DOCK6: variants seen among roughly 807,000 people sequenced by gnomAD.
DOCK6 encodes the protein dedicator of cytokinesis 6.
DOCK6 carries 167 observed loss-of-function variants against 230.3 expected under a neutral mutation model. The ratio of observed to expected loss-of-function variants is 0.73; its 90% CI spans 0.64 to 0.82. The LOEUF (loss-of-function observed/expected upper bound fraction) is 0.82, where lower values mean the gene tolerates loss of function less well. Ranked by LOEUF, DOCK6 falls within the 40% of genes least tolerant of loss-of-function variation. DOCK6 has a pLI of 0.00. For missense variants in DOCK6, 2,598 were observed against 2,825.8 expected, an observed-to-expected ratio of 0.92 and a Z score of 1.83; for synonymous variants, 1,148 against 1,185.0, an observed-to-expected ratio of 0.97 and a Z score of 0.64.
At chr19:11,242,259 C>A (rs964330154) in intron 13 of DOCK6, 52 bp from the exon 14 acceptor site, 2 of 1,392,816 alleles carry the variant, frequency 1.4e-6, no homozygotes, top group Non-Finnish European at 1.9e-6. Flanking sequence ...CTGGCTCAGC[C>A]CACCCTTTCT....
chr19:11,217,976 G>T (rs188188630), intron 28 of DOCK6, among the ~76,000 whole-genome samples: 4 of 150,518 alleles, frequency 2.7e-5, no homozygotes, highest in African/African-American at 4.9e-5. Context: ...CTCAGCTTCC[G>T]GAGTAGCTGT....
In DOCK6 at chr19:11,233,235, C is replaced by T. The variant is rs1321697922; in HGVS notation, c.2686G>A (p.Asp896Asn). The change falls in exon 22 of 48, where the codon GAT (aspartate) becomes AAT (asparagine). Residue 896 changes from aspartate (D) to asparagine (N), a missense_variant. Coordinates refer to ENST00000294618, the MANE Select transcript of DOCK6 (RefSeq NM_020812.4). Reference protein sequence around the residue: ...PDLAVAPGSVDDEVSRILASK... With the variant: ...PDLAVAPGSVNDEVSRILASK... ...GCCAGGATGCGGGAAACCTCGTCAT[C>T]CACAGAGCCAGGGGCCACGGCGAGG... The T allele has an allele frequency of 1.2e-6, 2 of 1,613,818 alleles. No individual in the cohort carries two copies. The highest frequency in any genetic ancestry group is 1.3e-5 in the African/African-American group (1 of 75,048).
At chr19:11,260,913 GA>G (rs2080276889) in intron 1 of DOCK6, among the ~76,000 whole-genome samples, 1 of 117,950 alleles carries the variant, frequency 8.5e-6, no homozygotes, top group Non-Finnish European at 1.8e-5. Context: ...AGAAAGAAAA[GA>G]AAAAGAAAAG....
In DOCK6 at chr19:11,242,200, G is replaced by A. The variant is rs1322744432; in HGVS notation, c.1488C>T (p.Leu496=). Residue 496 remains leucine, a synonymous_variant, in exon 14 of 48, where the codon CTC becomes CTT. Transcript: ENST00000294618. ...CAGGAGCCGGAGAAATGTCGATCTT[G>A]AGCTGGGCTGGGAAGGGAAGAACCG... is the stretch of plus-strand genomic sequence containing the variant. ...LRRLRPVTAQ[L]KIDISPAPEN... 2 of 1,460,792 alleles carry A rather than the reference G, an allele frequency of 1.4e-6. No homozygotes were observed. Among genetic ancestry groups the A allele is most frequent in the East Asian group, 2.5e-5 (1 of 40,292 alleles). 90.5% of individuals were successfully genotyped at this position (1,460,792 alleles called of 1,614,324 possible).
intron 9 of DOCK6, among the ~76,000 whole-genome samples, chr19:11,244,751 G>A (rs1390723903): frequency 1.3e-5 from 2 of 152,098 alleles, no homozygotes; most frequent in South Asian, 2.1e-4. Context: ...GAGCCACCGC[G>A]CCCAGCCAAT....
chr19:11,259,559 T>TTTTTC (rs1458779095), intron 1 of DOCK6, among the ~76,000 whole-genome samples: 2 of 131,070 alleles, frequency 1.5e-5, no homozygotes, highest in East Asian at 2.2e-4. Context: ...TTCTTTTCTT[T>TTTTTC]TTTTTTTTTT....
Position 11,235,747 on chromosome 19 carries a change from C to A in DOCK6, c.2405G>T (p.Arg802Leu). The A allele has an allele frequency of 6.3e-7, 1 of 1,592,470 alleles. No homozygotes were observed. The highest frequency in any genetic ancestry group is 8.6e-7 in the Non-Finnish European group (1 of 1,168,620). Reference sequence around the variant, plus strand: ...ATGGGCCATTGCTTCAAAGGCTCCACGGCCCAGGTTCACTGCAGGGCAGAG... The same window carrying A: ...ATGGGCCATTGCTTCAAAGGCTCCAAGGCCCAGGTTCACTGCAGGGCAGAG... The part of the protein sequence containing the change: ...IISGQIVNLG[R>L]GAFEAMAHVV... The change falls in exon 21 of 48, where the codon CGT becomes CTT. Residue 802 changes from arginine to leucine, a missense_variant. Transcript: ENST00000294618.
chr19:11,253,074 T>C (rs2080144751), intron 2 of DOCK6, 116 bp from the exon 3 acceptor site: 1 of 988,650 alleles, frequency 1.0e-6, no homozygotes, highest in South Asian at 1.7e-5. Context: ...GTGGGAGCCA[T>C]GGAGGGTGTT....
At chr19:11,230,463 C>T (rs2079747747) in intron 22 of DOCK6, among the ~76,000 whole-genome samples, 2 of 152,060 alleles carry the variant, frequency 1.3e-5, no homozygotes. Flanking sequence ...ACCGAGAACA[C>T]ACGAAGGCTG....
At chr19:11,251,137 C>A in intron 5 of DOCK6, 51 bp from the exon 6 acceptor site, 3 of 1,531,618 alleles carry the variant, frequency 2.0e-6, no homozygotes, top group African/African-American at 2.7e-5. Flanking sequence ...TACACCTTCA[C>A]CTCACTCTGG....
At chr19:11,250,635 T>G (rs1196340108) in intron 6 of DOCK6, among the ~76,000 whole-genome samples, 2 of 152,096 alleles carry the variant, frequency 1.3e-5, no homozygotes, top group Admixed American at 1.3e-4. Context: ...AAGCATAGGG[T>G]ATACAATAGG....
Position 11,236,946 on chromosome 19 carries a change from C to T in DOCK6, c.2074-67G>A, listed in dbSNP as rs1373871633. On this transcript the variant is annotated intron_variant, in intron 18 of 47. Transcript: ENST00000294618. The surrounding 1 kb of genome is among the most constrained non-coding windows in gnomAD (Gnocchi z 5.2). Reference sequence around the variant, plus strand: ...CTGACTGATCAGGTCACCCAGCGGCCCCAGCCATTGCGACACTGCAGCGTG... The same window carrying T: ...CTGACTGATCAGGTCACCCAGCGGCTCCAGCCATTGCGACACTGCAGCGTG... 1 of 1,485,350 alleles carries T rather than the reference C, an allele frequency of 6.7e-7. No individual in the cohort carries two copies. Among genetic ancestry groups the T allele is most frequent in the East Asian group, 2.5e-5 (1 of 40,166 alleles). The allele number at this position is 1,485,350 out of a possible 1,614,324, so 92.0% of individuals were successfully genotyped here.
At chr19:11,211,573 C>G (rs1430347226) in intron 37 of DOCK6, among the ~76,000 whole-genome samples, 2 of 25,888 alleles carry the variant, frequency 7.7e-5, no homozygotes, top group Non-Finnish European at 2.2e-4. Flanking sequence ...TCCCCCTCAC[C>G]TGTCTGCTCA....
At chr19:11,229,398 G>T in intron 22 of DOCK6, 1 of 1,065,444 alleles carries the variant, frequency 9.4e-7, no homozygotes, top group South Asian at 3.6e-5. Flanking sequence ...GGCCTATGAT[G>T]GGATGTGATG....
rs371203988 is a variant in DOCK6 at position 11,201,051 on chromosome 19, G to A, written c.5690C>T (p.Thr1897Met). The A allele has an allele frequency of 4.6e-5, 75 of 1,613,424 alleles. 1 individual carries two copies. Among genetic ancestry groups the A allele is most frequent in the South Asian group, 3.0e-4 (27 of 91,024 alleles). ...GGCCACCTCCACTGGCGTCAGCACC[G>A]TCTGTGGGGTAAGGGGAGGGGTGTG... Reference protein sequence around the residue: ...TRIRVCHREETVLTPVEVAIE... With the variant: ...TRIRVCHREEMVLTPVEVAIE... Residue 1897 changes from threonine to methionine, a missense_variant and splice_region_variant, in exon 45 of 48, where the codon ACG becomes ATG. Coordinates refer to ENST00000294618, the MANE Select transcript of DOCK6 (RefSeq NM_020812.4). This position sits in a 1 kb window ranked among gnomAD's most constrained non-coding sequence, Gnocchi z 4.3.
rs1555698780 is a variant in DOCK6, at chr19:11,260,885, A to AAAAAAAAAAAAGAAAAG, written c.44+1511_44+1512insCTTTTCTTTTTTTTTTT. Among the ~76,000 whole-genome samples the AAAAAAAAAAAAGAAAAG allele has an allele frequency of 1.6e-4, 21 of 127,302 alleles. 2 individuals carry two copies. In the Middle Eastern group the frequency reaches 0.013, roughly 77 times the overall value. The allele number at this position is 127,302 out of a possible 152,430, so 83.5% of individuals were successfully genotyped here. ...GTGACAGAGCGAGACTCTGTCTCAA[A>AAAAAAAAAAAAGAAAAG]AAAAAAAAAAGAAAGAAAGAAAGAA... is the stretch of plus-strand genomic sequence containing the variant. On this transcript the variant is annotated intron_variant, in intron 1 of 47. Coordinates refer to ENST00000294618, the MANE Select transcript of DOCK6 (RefSeq NM_020812.4).
rs368153065 is a variant in DOCK6, at chr19:11,252,986, G to A, written c.133-28C>T. On this transcript the variant is annotated intron_variant, in intron 2 of 47. Coordinates refer to ENST00000294618, the MANE Select transcript of DOCK6 (RefSeq NM_020812.4). ...GGATTGGAGCAAAGTGGCTGTGATCGCACTACCTAGGAGGCTGAGAGTGGG... is the reference window on the plus strand; with the variant it reads ...GGATTGGAGCAAAGTGGCTGTGATCACACTACCTAGGAGGCTGAGAGTGGG... The A allele has an allele frequency of 2.5e-6, 4 of 1,580,326 alleles. No individual in the cohort carries two copies. In the South Asian group the frequency reaches 3.5e-5, roughly 14 times the overall value.
rs2079448999 is a variant in DOCK6, at chr19:11,214,578, A to G, written c.4178T>C (p.Leu1393Pro). The change falls in exon 33 of 48, where the codon CTG becomes CCG. Residue 1393 changes from leucine to proline, a missense_variant. Physicochemically the swap from Leu to Pro is moderately conservative, Grantham distance 98 (BLOSUM62 -3). Coordinates refer to ENST00000294618, the MANE Select transcript of DOCK6 (RefSeq NM_020812.4). ...CTGCACGATGATCTCCAGTGTGTCC[A>G]GAACCACTAGGCTTGCCTCGGTTGC... ...NLATEASLVV[L>P]DTLEIIVQTV... 2 of 1,613,808 alleles carry G rather than the reference A, an allele frequency of 1.2e-6. No individual in the cohort carries two copies. The highest frequency in any genetic ancestry group is 1.3e-5 in the African/African-American group (1 of 74,930).
In DOCK6 at chr19:11,213,333, C is replaced by T; in HGVS notation, c.4339-5G>A. On this transcript the variant is annotated splice_polypyrimidine_tract_variant and splice_region_variant and intron_variant, in intron 34 of 47. Coordinates refer to ENST00000294618, the MANE Select transcript of DOCK6 (RefSeq NM_020812.4). ...CTCGAACAGCAGCTCCGGGAACTGC[C>T]CCCAAGGACCCAGACAGACACTGTC... 1.9e-6 allele frequency: 3 copies of T among 1,609,478 alleles called. No individual in the cohort carries two copies. Among genetic ancestry groups the T allele is most frequent in the African/African-American group, 1.3e-5 (1 of 74,986 alleles).
Sources: gnomAD v4.1 joint callset for allele counts (sites outside exome capture counted in the v4.1 genomes callset) on GRCh38, gnomAD v4.1.1 for gene constraint, Gnocchi (gnomAD v3.1) non-coding constraint, MANE v1.5 for transcripts, NCBI Gene and HGNC (gene_info 2026-07-23, HGNC 2026-07-21) for gene names.